Variants in LRRC37A2 observed in about 807,000 individuals in gnomAD.
LRRC37A2 encodes the protein leucine-rich repeat-containing protein 37A2.
Under a neutral mutation model 68.8 loss-of-function variants are expected in LRRC37A2, and 9 were observed. The ratio of observed to expected loss-of-function variants is 0.13; its 90% CI spans 0.08 to 0.23. The LOEUF (loss-of-function observed/expected upper bound fraction) is 0.23. Among genes scored for constraint, LRRC37A2 ranks in the 10% least tolerant of loss-of-function variants. LRRC37A2 has a pLI of 1.00. For missense variants in LRRC37A2, 168 were observed against 950.4 expected (o/e 0.18, Z 10.82); for synonymous variants, 63 against 367.6 (o/e 0.17, Z 9.48).
chr17:46,495,664 C>A, the LRRC37A2 span, among the ~76,000 whole-genome samples: 9 of 150,748 alleles, frequency 6.0e-5, no homozygotes, highest in African/African-American at 2.2e-4. Flanking sequence ...GGACTACAGG[C>A]ATGAGCCACT....
the LRRC37A2 span, chr17:46,998,626 G>A: frequency 0.014 from 2,081 of 152,378 alleles, 20 homozygotes; most frequent in Middle Eastern, 0.02. Context: ...GGTAGGCCAG[G>A]TCAAAGCCAA....
the LRRC37A2 span, among the ~76,000 whole-genome samples, chr17:46,759,910 G>GTACT: frequency 6.6e-6 from 1 of 152,138 alleles, no homozygotes; most frequent in Non-Finnish European, 1.5e-5. Flanking sequence ...ACGTTTGTAA[G>GTACT]TACTTATACA....
chr17:46,974,724 A>ACT, the LRRC37A2 span, among the ~76,000 whole-genome samples: 2 of 109,026 alleles, frequency 1.8e-5, no homozygotes, highest in African/African-American at 3.3e-5. Context: ...ACAGAGCAAG[A>ACT]CTCTCTCTCA....
At chr17:46,958,686 T>C in the LRRC37A2 span, among the ~76,000 whole-genome samples, 2 of 152,216 alleles carry the variant, frequency 1.3e-5, no homozygotes, top group African/African-American at 4.8e-5. Flanking sequence ...ACAAGAGTTC[T>C]CCCTAGCCTC....
chr17:46,479,513 CT>C, the LRRC37A2 span, among the ~76,000 whole-genome samples: 31 of 106,912 alleles, frequency 2.9e-4, 1 homozygote, highest in Non-Finnish European at 3.2e-4. Context: ...AATTATTTTT[CT>C]TTTTTTTTTT....
the LRRC37A2 span, among the ~76,000 whole-genome samples, chr17:46,924,091 C>T: frequency 2.6e-5 from 4 of 152,184 alleles, no homozygotes; most frequent in Non-Finnish European, 4.4e-5. Flanking sequence ...ACTTTTTCAT[C>T]ATCCCAGTGT....
At chr17:46,704,975 T>G in the LRRC37A2 span, 7 of 807,160 alleles carry the variant, frequency 8.7e-6, no homozygotes, top group East Asian at 2.2e-4. Context: ...TTTCATAAAA[T>G]GAGAAAATTT....
chr17:46,472,923 A>T, the LRRC37A2 span, among the ~76,000 whole-genome samples: 1,667 of 63,974 alleles, frequency 0.026, 171 homozygotes, highest in Non-Finnish European at 0.033. Flanking sequence ...TCAAAAAAAA[A>T]ATATATATAT....
At chr17:46,711,184 C>T in the LRRC37A2 span, 42 of 1,374,652 alleles carry the variant, frequency 3.1e-5, no homozygotes, top group Admixed American at 1.6e-4. Flanking sequence ...TTTAAAAGCC[C>T]GTAAGCACAT....
chr17:46,877,050 G>A, the LRRC37A2 span: 1 of 1,142,506 alleles, frequency 8.8e-7, no homozygotes, highest in African/African-American at 1.6e-5. Flanking sequence ...GGAGAGAGGG[G>A]CTATTCCATC....
At chr17:46,927,319 G>A in the LRRC37A2 span, among the ~76,000 whole-genome samples, 2 of 152,076 alleles carry the variant, frequency 1.3e-5, no homozygotes, top group Non-Finnish European at 2.9e-5. Flanking sequence ...TCCAGTCTGT[G>A]CCATTCATTT....
the LRRC37A2 span, chr17:46,938,536 A>G: frequency 6.2e-7 from 1 of 1,609,676 alleles, no homozygotes; most frequent in Non-Finnish European, 8.5e-7. Flanking sequence ...TCCTGATGCC[A>G]TTCACCCACT....
At chr17:46,413,481 TACAC>T in the LRRC37A2 span, among the ~76,000 whole-genome samples, 163 of 24,754 alleles carry the variant, frequency 6.6e-3, 25 homozygotes, top group African/African-American at 0.011. Context: ...TCTCTCTCTG[TACAC>T]ACACACACAC....
chr17:46,534,833 C>T (rs1474701511), intron 6 of LRRC37A2, among the ~76,000 whole-genome samples: 1 of 149,242 alleles, frequency 6.7e-6, no homozygotes, highest in East Asian at 2.0e-4. Flanking sequence ...GGCTGGCCCC[C>T]ACCTCCCTCC....
At chr17:46,755,454 A>G in the LRRC37A2 span, 44 of 1,154,782 alleles carry the variant, frequency 3.8e-5, 1 homozygote, top group Non-Finnish European at 4.6e-5. Flanking sequence ...TTGCTTTCCT[A>G]GATAAGTTTG....
At chr17:46,501,583 C>G in the LRRC37A2 span, among the ~76,000 whole-genome samples, 3 of 151,242 alleles carry the variant, frequency 2.0e-5, no homozygotes, top group Non-Finnish European at 4.4e-5. Flanking sequence ...CAGTCACAAA[C>G]TGCCTATTTG....
At chr17:46,771,975 G>T in the LRRC37A2 span, among the ~76,000 whole-genome samples, 1 of 148,200 alleles carries the variant, frequency 6.7e-6, no homozygotes, top group East Asian at 2.0e-4. Flanking sequence ...CGACCCCGCC[G>T]CCCCCAGACT....
the LRRC37A2 span, among the ~76,000 whole-genome samples, chr17:46,721,363 C>CT: frequency 2.0e-5 from 3 of 151,388 alleles, no homozygotes; most frequent in Middle Eastern, 3.5e-3. Context: ...GAGACACAGG[C>CT]TGACTGATGC....
chr17:46,611,013 C>T, the LRRC37A2 span, among the ~76,000 whole-genome samples: 1 of 105,206 alleles, frequency 9.5e-6, no homozygotes, highest in Non-Finnish European at 1.7e-5. Context: ...AAAATTGGAA[C>T]TAATAAATGA....
Sources: allele counts gnomAD v4.1 joint callset (sites outside exome capture counted in the v4.1 genomes callset), GRCh38; gene constraint gnomAD v4.1.1; transcripts MANE v1.5; gene names NCBI Gene and HGNC (gene_info 2026-07-23, HGNC 2026-07-21).